The following RUFY3 variants were observed in gnomAD, a reference collection of about 807,000 sequenced individuals.
RUFY3 encodes the protein RUN and FYVE domain containing 3.
A neutral mutation model predicts 84.0 loss-of-function variants in RUFY3; 34 were observed. The observed-to-expected ratio is 0.40, with a 90% CI of 0.31 to 0.54. The LOEUF (loss-of-function observed/expected upper bound fraction) is 0.54. Ranked by LOEUF, RUFY3 falls within the 20% of genes least tolerant of loss-of-function variation. The pLI is 0.39. For synonymous variants in RUFY3, 242 were observed against 252.9 expected (o/e 0.96, Z 0.41); for missense variants, 507 against 736.8 (o/e 0.69, Z 3.61).
At chr4:70,730,572 C>CAAAAAAA (rs796173421) in intron 1 of RUFY3, among the ~76,000 whole-genome samples, 29 of 106,542 alleles carry the variant, frequency 2.7e-4, no homozygotes, top group African/African-American at 1.0e-3. Context: ...ACTAAAAATA[C>CAAAAAAA]AAAAAAAAAA....
chr4:70,791,083 T>G (rs1268568328), intron 12 of RUFY3: 2 of 732,784 alleles, frequency 2.7e-6, no homozygotes, highest in Non-Finnish European at 4.6e-6. Context: ...TGTTTTGACT[T>G]GGAATTTAAA....
chr4:70,735,951 G>T (rs528659475), intron 1 of RUFY3, among the ~76,000 whole-genome samples: 1 of 151,730 alleles, frequency 6.6e-6, no homozygotes, highest in Non-Finnish European at 1.5e-5. Flanking sequence ...TCACATCACT[G>T]CACTCCAGCC....
At position 70,706,372 on chromosome 4, in the gene RUFY3, C is replaced by T. The variant is rs1191887775; in HGVS notation, c.358+1078C>T. Reference sequence around the variant, plus strand: ...AAGAAACCCTGACTCACCTTTTCTGCCCCGATCCATCTCCTAGGAAAAGAT... The same window carrying T: ...AAGAAACCCTGACTCACCTTTTCTGTCCCGATCCATCTCCTAGGAAAAGAT... On this transcript the variant is annotated intron_variant, in intron 1 of 11. Coordinates refer to the RUFY3 transcript ENST00000417478. Among the ~76,000 whole-genome samples, 4 of 152,154 alleles carry T rather than the reference C, an allele frequency of 2.6e-5. No individual in the cohort carries two copies. In the South Asian group the frequency reaches 6.2e-4, roughly 24 times the overall value.
intron 1 of RUFY3, among the ~76,000 whole-genome samples, chr4:70,747,365 ACTATAT>A (rs1722394192): frequency 6.6e-6 from 1 of 152,160 alleles, no homozygotes; most frequent in Admixed American, 6.6e-5. Context: ...ACATAGCCTT[ACTATAT>A]AGGACATTAA....
chr4:70,782,872 A>C (rs918492712), intron 8 of RUFY3, among the ~76,000 whole-genome samples: 5 of 152,112 alleles, frequency 3.3e-5, no homozygotes, highest in Non-Finnish European at 5.9e-5. Context: ...AGATTATGCC[A>C]CTGCACTCCA....
intron 12 of RUFY3, chr4:70,791,911 A>G: frequency 1.0e-6 from 1 of 983,080 alleles, no homozygotes; most frequent in South Asian, 4.7e-5. Context: ...GTGACTTTTG[A>G]AAAAAAAAGA....
At chr4:70,784,152 G>T (rs1338100107) in intron 9 of RUFY3, among the ~76,000 whole-genome samples, 1 of 152,164 alleles carries the variant, frequency 6.6e-6, no homozygotes, top group Non-Finnish European at 1.5e-5. Flanking sequence ...ATAACCAGTT[G>T]CGAATTCTCT....
chr4:70,765,296 C>T (rs1004469299), intron 4 of RUFY3, among the ~76,000 whole-genome samples: 5 of 151,298 alleles, frequency 3.3e-5, no homozygotes, highest in African/African-American at 1.2e-4. Flanking sequence ...ATTATTTTAT[C>T]CGTCTTTATT....
At chr4:70,784,649 G>A in intron 9 of RUFY3, 147 bp from the exon 10 acceptor site, 1 of 454,940 alleles carries the variant, frequency 2.2e-6, no homozygotes, top group Non-Finnish European at 3.8e-6. Flanking sequence ...CTTTAAAAAT[G>A]TACTAGACTT....
At chr4:70,793,309 A>G (rs1368131892) in intron 12 of RUFY3, 1 of 999,390 alleles carries the variant, frequency 1.0e-6, no homozygotes, top group South Asian at 4.4e-5. Context: ...TTTGGGGGAA[A>G]GGACAAGAAA....
At chr4:70,707,298 G>A (rs974490314) in intron 1 of RUFY3, among the ~76,000 whole-genome samples, 8 of 152,124 alleles carry the variant, frequency 5.3e-5, no homozygotes, top group Non-Finnish European at 1.0e-4. Flanking sequence ...TCGCTCTGTC[G>A]CCCAGGCTGG....
chr4:70,719,399 A>G (rs115767090), upstream of RUFY3, among the ~76,000 whole-genome samples: 624 of 152,302 alleles, frequency 4.1e-3, 6 homozygotes, highest in African/African-American at 0.014. Context: ...GTTGCAATCA[A>G]TCTAGATCTG....
Position 70,768,601 on chromosome 4 carries a change from G to A in RUFY3, c.636G>A (p.Leu212=), listed in dbSNP as rs1726400713. 1.2e-6 allele frequency: 2 copies of A among 1,613,716 alleles called. No individual in the cohort carries two copies. Among genetic ancestry groups the A allele is most frequent in the Non-Finnish European group, 1.7e-6 (2 of 1,179,884 alleles). Residue 212 remains leucine (L), a synonymous_variant, in exon 5 of 18, where the codon TTG becomes TTA. Coordinates refer to ENST00000381006, the MANE Select transcript of RUFY3 (RefSeq NM_001037442.4). ...AAGGAGCCATAATTGCTGGTCTGTT[G>A]GTGGGTCTGAATGTCATTGATGCCA... ...EEEGAIIAGL[L]VGLNVIDANF...
At chr4:70,742,199 A>T (rs1016236397) in intron 1 of RUFY3, among the ~76,000 whole-genome samples, 3 of 152,114 alleles carry the variant, frequency 2.0e-5, no homozygotes, top group African/African-American at 7.2e-5. Flanking sequence ...GAATGGTGTG[A>T]TTATCTTTTT....
At chr4:70,791,125 T>G in intron 12 of RUFY3, 1 of 942,540 alleles carries the variant, frequency 1.1e-6, no homozygotes, top group Non-Finnish European at 1.7e-6. Context: ...ACTTATCTCT[T>G]TGAGTATTAA....
At chr4:70,758,268 AGTAAT>A (rs1374960865) in intron 1 of RUFY3, among the ~76,000 whole-genome samples, 6 of 152,206 alleles carry the variant, frequency 3.9e-5, no homozygotes, top group Non-Finnish European at 8.8e-5. Flanking sequence ...ATTTAAGACA[AGTAAT>A]GTTGAATAGA....
In RUFY3 at chr4:70,722,006, G is replaced by A. The variant is rs903732432; in HGVS notation, c.-568G>A. On this transcript the variant is annotated 5_prime_UTR_variant, in exon 1 of 18. Coordinates refer to ENST00000381006, the MANE Select transcript of RUFY3 (RefSeq NM_001037442.4). ...TTTTGGTCAACACCCTGCTTACTGC[G>A]CACGGCCAATCCTATGAGAACTCAG... is the stretch of plus-strand genomic sequence containing the variant. The A allele has an allele frequency of 1.3e-5, 16 of 1,232,008 alleles. No homozygotes were observed. The Admixed American group carries it at 1.7e-4, about 13-fold the overall frequency. 76.3% of individuals were successfully genotyped at this position (1,232,008 alleles called of 1,614,324 possible).
intron 1 of RUFY3, among the ~76,000 whole-genome samples, chr4:70,724,911 C>T (rs981464032): frequency 1.3e-5 from 2 of 152,194 alleles, no homozygotes; most frequent in Admixed American, 1.3e-4. Context: ...TGGTGGTCAC[C>T]AGGCCCATGA....
chr4:70,722,175 A>G lies in RUFY3; in HGVS notation c.-399A>G, dbSNP rs1393103317. 6 of 1,230,630 alleles carry G rather than the reference A, an allele frequency of 4.9e-6. No homozygotes were observed. The highest frequency in any genetic ancestry group is 4.2e-5 in the South Asian group (1 of 23,968). The allele number at this position is 1,230,630 out of a possible 1,614,324, so 76.2% of individuals were successfully genotyped here. A position where few individuals can be genotyped will look rare whatever the true frequency, so the allele number is the denominator to read the frequency against. ...TCTGCACAAAGGAGGAGGATTTTTC[A>G]CTTACTCATATCGAGGCCAGATTTT... On this transcript the variant is annotated 5_prime_UTR_variant, in exon 1 of 18. Transcript: ENST00000381006.
Sources: gnomAD v4.1 joint callset for allele counts (sites outside exome capture counted in the v4.1 genomes callset) on GRCh38, gnomAD v4.1.1 for gene constraint, MANE v1.5 for transcripts, NCBI Gene and HGNC (gene_info 2026-07-23, HGNC 2026-07-21) for gene names.